EFCAB6: variants seen among roughly 807,000 people sequenced by gnomAD.
EFCAB6 encodes EF-hand calcium binding domain 6, also known as EF-hand calcium-binding domain-containing protein 6.
Under a neutral mutation model 169.8 loss-of-function variants are expected in EFCAB6, and 156 were observed. The ratio of observed to expected loss-of-function variants is 0.92; its 90% CI spans 0.81 to 1.05. The LOEUF (loss-of-function observed/expected upper bound fraction) is 1.05, where lower values mean the gene tolerates loss of function less well. Ranked by LOEUF, EFCAB6 falls within the 50% of genes least tolerant of loss-of-function variation. The pLI is 0.00. For missense variants in EFCAB6, 1,800 were observed against 1,829.1 expected (o/e 0.98, Z 0.29); for synonymous variants, 698 against 676.4 (o/e 1.03, Z -0.50).
chr22:43,651,964 C>T (rs1292018435), intron 17 of EFCAB6, among the ~76,000 whole-genome samples: 1 of 152,224 alleles, frequency 6.6e-6, no homozygotes, highest in Admixed American at 6.5e-5. Context: ...ATTTTACAGG[C>T]TCATAGGCAG....
intron 4 of EFCAB6, 65 bp from the exon 5 acceptor site, chr22:43,765,458 G>C: frequency 7.9e-7 from 1 of 1,263,970 alleles, no homozygotes; most frequent in Non-Finnish European, 1.1e-6. Context: ...AGACGGTAAA[G>C]CAGATTTCTA....
At chr22:43,758,830 T>C (rs1482451083) in intron 5 of EFCAB6, among the ~76,000 whole-genome samples, 1 of 152,246 alleles carries the variant, frequency 6.6e-6, no homozygotes, top group Admixed American at 6.5e-5. Flanking sequence ...TCTTACTTTT[T>C]ATGTCTATAA....
chr22:43,619,366 T>C (rs898864121), intron 20 of EFCAB6, among the ~76,000 whole-genome samples: 3 of 152,122 alleles, frequency 2.0e-5, no homozygotes. Flanking sequence ...CTACAGAGGA[T>C]TTTAACAAAA....
intron 8 of EFCAB6, among the ~76,000 whole-genome samples, chr22:43,718,340 C>G (rs78886713): frequency 1.3e-5 from 2 of 152,272 alleles, no homozygotes; most frequent in Middle Eastern, 3.4e-3. Context: ...TCTGCAAATA[C>G]GCTTCAGCCA....
At chr22:43,732,318 G>T (rs1220641359) in intron 7 of EFCAB6, among the ~76,000 whole-genome samples, 1 of 152,160 alleles carries the variant, frequency 6.6e-6, no homozygotes, top group Non-Finnish European at 1.5e-5. Flanking sequence ...GAGAGAAACT[G>T]AGGCCCACAG....
intron 5 of EFCAB6, among the ~76,000 whole-genome samples, chr22:43,756,228 G>A (rs941370636): frequency 6.6e-6 from 1 of 152,142 alleles, no homozygotes; most frequent in Non-Finnish European, 1.5e-5. Context: ...AATAGATGAG[G>A]AAAATGAAGG....
rs2048641566 is a variant in EFCAB6 at position 43,555,339 on chromosome 22, C to T, written c.3421-243G>A. 1.3e-5 allele frequency among the ~76,000 whole-genome samples: 2 copies of T among 152,210 alleles called. 1 individual carries two copies. The highest frequency in any genetic ancestry group is 4.1e-4 in the South Asian group (2 of 4,828). ...AGTTCCCCATGGGGCAGAGCAGTGG[C>T]CCTGGAAGGCTGGGCGGCCAGCACA... On this transcript the variant is annotated intron_variant, in intron 26 of 31. Transcript: ENST00000262726.
chr22:43,684,587 C>T lies in EFCAB6; in HGVS notation c.1143-732G>A, dbSNP rs140963291. Among the ~76,000 whole-genome samples the T allele has an allele frequency of 2.2e-3, 338 of 152,294 alleles. 5 individuals carry two copies. Among genetic ancestry groups the T allele is most frequent in the Non-Finnish European group, 3.1e-3 (209 of 68,010 alleles). The stretch of plus-strand genomic sequence containing the variant: ...CAATGAATGACAGTCAGTTTACCTG[C>T]GGAACCATTCTAAGATTTGTTTGGG... On this transcript the variant is annotated intron_variant, in intron 11 of 31. Coordinates refer to ENST00000262726, the MANE Select transcript of EFCAB6 (RefSeq NM_022785.4).
At chr22:43,616,557 A>C (rs1375958378) in intron 20 of EFCAB6, among the ~76,000 whole-genome samples, 1 of 152,182 alleles carries the variant, frequency 6.6e-6, no homozygotes, top group East Asian at 1.9e-4. Context: ...CCAGCTACTC[A>C]AGAGGCTGAG....
intron 6 of EFCAB6, among the ~76,000 whole-genome samples, chr22:43,739,897 G>C (rs147812675): frequency 6.6e-6 from 1 of 152,016 alleles, no homozygotes. Flanking sequence ...GTGAGTCTGA[G>C]CATGCCCTCC....
intron 8 of EFCAB6, among the ~76,000 whole-genome samples, chr22:43,717,509 C>T (rs2059375005): frequency 1.3e-5 from 2 of 151,856 alleles, no homozygotes; most frequent in Admixed American, 6.6e-5. Flanking sequence ...TAAATATAAA[C>T]ATCCAATAGA....
At chr22:43,673,965 T>C (rs867235397) in intron 13 of EFCAB6, among the ~76,000 whole-genome samples, 11 of 135,428 alleles carry the variant, frequency 8.1e-5, no homozygotes, top group African/African-American at 2.5e-4. Context: ...AGACTCCGTC[T>C]CAAAAAAAAA....
intron 2 of EFCAB6, among the ~76,000 whole-genome samples, chr22:43,806,068 A>C (rs1156861250): frequency 6.6e-6 from 1 of 151,860 alleles, no homozygotes; most frequent in African/African-American, 2.4e-5. Flanking sequence ...CGGGAGGCTA[A>C]GGTACAAGAA....
At chr22:43,583,013 G>C (rs1375098067) in intron 24 of EFCAB6, among the ~76,000 whole-genome samples, 1 of 152,084 alleles carries the variant, frequency 6.6e-6, no homozygotes, top group Non-Finnish European at 1.5e-5. Flanking sequence ...TAAATTATTA[G>C]CTGAACTGTT....
rs36014478 is a variant in EFCAB6 at position 43,537,829 on chromosome 22, C to CTG, written c.3880-286_3880-285dup. Among the ~76,000 whole-genome samples the CTG allele has an allele frequency of 0.2, 30,213 of 151,214 alleles. 3,217 individuals are homozygous for CTG. The highest frequency in any genetic ancestry group is 0.26 in the African/African-American group (10,735 of 41,184). ...CAGATGAGATGTAAACATATTTCTG[C>CTG]TGTGTGTGTGTGTGTGTGAGAAGTG... On this transcript the variant is annotated intron_variant, in intron 28 of 31. Coordinates refer to ENST00000262726, the MANE Select transcript of EFCAB6 (RefSeq NM_022785.4). The surrounding 1 kb of genome is among the most constrained non-coding windows in gnomAD (Gnocchi z 4.3).
In EFCAB6 at chr22:43,672,016, T is replaced by A; in HGVS notation, c.1597A>T (p.Met533Leu). 2 of 1,614,176 alleles carry A rather than the reference T, an allele frequency of 1.2e-6. No individual in the cohort carries two copies. Among genetic ancestry groups the A allele is most frequent in the Non-Finnish European group, 1.7e-6 (2 of 1,180,008 alleles). ...RIGRNNFKKI[M>L]HVFCPFLTNA... is the part of the protein sequence containing the mutation. ...GTTAAAAATGGACAGAAGACGTGCA[T>A]GATTTTCTTGAAATTATTTCGGCCA... Residue 533 changes from methionine to leucine, a missense_variant, in exon 15 of 32, where the codon ATG becomes TTG. Transcript: ENST00000262726.
intron 4 of EFCAB6, among the ~76,000 whole-genome samples, chr22:43,768,637 T>C (rs1206920232): frequency 2.0e-5 from 3 of 152,210 alleles, no homozygotes; most frequent in Non-Finnish European, 4.4e-5. Context: ...GAATCTTACT[T>C]GTCATTTAGG....
intron 9 of EFCAB6, among the ~76,000 whole-genome samples, chr22:43,712,905 G>A (rs913111349): frequency 6.6e-6 from 1 of 151,874 alleles, no homozygotes; most frequent in Non-Finnish European, 1.5e-5. Flanking sequence ...AATTTTCATT[G>A]TTACTGTTTA....
intron 10 of EFCAB6, among the ~76,000 whole-genome samples, chr22:43,691,000 C>T (rs1420233158): frequency 1.3e-5 from 2 of 152,012 alleles, no homozygotes; most frequent in Non-Finnish European, 2.9e-5. Flanking sequence ...TCTAATACTT[C>T]TATAGCATTT....
Sources: gnomAD v4.1 joint callset for allele counts (sites outside exome capture counted in the v4.1 genomes callset) on GRCh38, gnomAD v4.1.1 for gene constraint, Gnocchi (gnomAD v3.1) non-coding constraint, MANE v1.5 for transcripts, NCBI Gene and HGNC (gene_info 2026-07-23, HGNC 2026-07-21) for gene names.